The following MYL3 variants were observed in gnomAD, a reference collection of about 807,000 sequenced individuals.
MYL3 encodes CMLC1.
In MYL3, 11 loss-of-function variants were observed where a neutral mutation model predicts 21.3. The observed-to-expected ratio is 0.52, with a 90% CI of 0.32 to 0.85. The LOEUF is 0.85. Ranked by LOEUF, MYL3 falls within the 40% of genes least tolerant of loss-of-function variation. The probability of loss-of-function intolerance (pLI) is 0.03; values close to 1 mark genes in which losing one functional copy is unlikely to be tolerated. For synonymous variants in MYL3, 88 were observed against 91.6 expected (o/e 0.96, Z 0.22); for missense variants, 206 against 253.3 (o/e 0.81, Z 1.27).
chr3:46,877,525 G>A (rs534610359), intron 1 of MYL3, among the ~76,000 whole-genome samples: 1 of 152,282 alleles, frequency 6.6e-6, no homozygotes, highest in South Asian at 2.1e-4. Context: ...TTACCTGGCA[G>A]GCAGACCCAT....
chr3:46,862,565 A>T (rs1702003470), intron 1 of MYL3, among the ~76,000 whole-genome samples: 1 of 152,174 alleles, frequency 6.6e-6, no homozygotes, highest in African/African-American at 2.4e-5. Flanking sequence ...AGCAGGCAGG[A>T]CACAGGGTAC....
At chr3:46,872,844 C>T (rs755495195) in intron 1 of MYL3, among the ~76,000 whole-genome samples, 63 of 152,218 alleles carry the variant, frequency 4.1e-4, no homozygotes, top group African/African-American at 1.4e-3. Context: ...GAAAACGTTC[C>T]GACAATGAGC....
At position 46,879,231 on chromosome 3, in the gene MYL3, C is replaced by T. The variant is rs1200447242; in HGVS notation, c.-218+2843G>A. Reference sequence around the variant, plus strand: ...CCATCAGATTCCTCTCTGCAGCCCTCTCCACAGCCCACCCTCATCCTCCCA... The same window carrying T: ...CCATCAGATTCCTCTCTGCAGCCCTTTCCACAGCCCACCCTCATCCTCCCA... On this transcript the variant is annotated intron_variant, in intron 1 of 3. Transcript: ENST00000431168. This position sits in a 1 kb window ranked among gnomAD's most constrained non-coding sequence, Gnocchi z 4.7. 6.6e-6 allele frequency among the ~76,000 whole-genome samples: 1 copy of T among 152,190 alleles called. No homozygotes were observed. The highest frequency in any genetic ancestry group is 1.9e-4 in the East Asian group (1 of 5,186).
At chr3:46,867,923 G>A (rs368800692), upstream of MYL3, among the ~76,000 whole-genome samples, 20 of 152,332 alleles carry the variant, frequency 1.3e-4, no homozygotes, top group African/African-American at 2.9e-4. Context: ...GACCCCACGC[G>A]GGGCCCCTAG....
In MYL3 at chr3:46,857,956, G is replaced by A. The variant is rs1575497229; in HGVS notation, c.*159C>T. ...TCACAGGTAAGCACAGCCTGAGAGG[G>A]GCCAGAGACGGCAACCACGTGGAGA... is the stretch of plus-strand genomic sequence containing the variant. On this transcript the variant is annotated 3_prime_UTR_variant, in exon 7 of 7. Transcript: ENST00000292327. The surrounding 1 kb of genome is among the most constrained non-coding windows in gnomAD (Gnocchi z 5.0). 5.6e-6 allele frequency: 3 copies of A among 532,924 alleles called. No homozygotes were observed. The East Asian group carries it at 9.8e-5, about 17-fold the overall frequency. 33.0% of individuals were successfully genotyped at this position (532,924 alleles called of 1,614,324 possible).
intron 1 of MYL3, among the ~76,000 whole-genome samples, chr3:46,869,829 GA>G (rs201247431): frequency 1.3e-4 from 19 of 151,416 alleles, no homozygotes; most frequent in Non-Finnish European, 2.7e-4. Context: ...TTTAGCAGGA[GA>G]AAAAAAAACC....
At chr3:46,870,290 G>T (rs1702096743) in intron 1 of MYL3, among the ~76,000 whole-genome samples, 1 of 152,136 alleles carries the variant, frequency 6.6e-6, no homozygotes. Flanking sequence ...AAGGAGAGAG[G>T]GTGGGCATGG....
At chr3:46,871,386 G>A (rs756025926) in intron 1 of MYL3, among the ~76,000 whole-genome samples, 14 of 152,136 alleles carry the variant, frequency 9.2e-5, no homozygotes, top group African/African-American at 1.4e-4. Context: ...GGAGGTCAGC[G>A]TCCTGGTTTG....
At chr3:46,863,190 T>C (rs1421459505) in intron 1 of MYL3, 72 bp downstream of exon 1, 2 of 1,605,840 alleles carry the variant, frequency 1.2e-6, no homozygotes, top group African/African-American at 1.3e-5. Context: ...CTGACCTGCC[T>C]CTTGCTAGGT....
chr3:46,872,737 G>A (rs2029983038), intron 1 of MYL3, among the ~76,000 whole-genome samples: 1 of 152,226 alleles, frequency 6.6e-6, no homozygotes, highest in Non-Finnish European at 1.5e-5. Context: ...TTCAGCTGCT[G>A]TCTCAGGGTT....
chr3:46,859,411 A>T lies in MYL3; in HGVS notation c.481+64T>A. 1.2e-6 allele frequency: 2 copies of T among 1,604,264 alleles called. No homozygotes were observed. Among genetic ancestry groups the T allele is most frequent in the Non-Finnish European group, 1.7e-6 (2 of 1,172,476 alleles). Reference sequence around the variant, plus strand: ...CAATGGGTCACAGGCCTGGGGGGCAACAGAGTGGTTTCTCCCAGGATGTCC... The same window carrying T: ...CAATGGGTCACAGGCCTGGGGGGCATCAGAGTGGTTTCTCCCAGGATGTCC... On this transcript the variant is annotated intron_variant, in intron 4 of 6. Coordinates refer to ENST00000292327, the MANE Select transcript of MYL3 (RefSeq NM_000258.3). The surrounding 1 kb of genome is among the most constrained non-coding windows in gnomAD (Gnocchi z 4.1).
At chr3:46,881,546 A>G (rs1266419630) in intron 1 of MYL3, among the ~76,000 whole-genome samples, 1 of 151,998 alleles carries the variant, frequency 6.6e-6, no homozygotes, top group East Asian at 1.9e-4. Flanking sequence ...CAAGCTGGAG[A>G]GGCCCGGCCA....
At chr3:46,863,122 G>C in intron 1 of MYL3, 140 bp downstream of exon 1, 1 of 1,289,478 alleles carries the variant, frequency 7.8e-7, no homozygotes, top group Non-Finnish European at 1.1e-6. Flanking sequence ...AGCAGTCAGG[G>C]CTTGTCTGAC....
chr3:46,864,885 C>T (rs573521942), upstream of MYL3, among the ~76,000 whole-genome samples: 34 of 152,354 alleles, frequency 2.2e-4, no homozygotes, highest in African/African-American at 3.8e-4. This position sits in a 1 kb window ranked among gnomAD's most constrained non-coding sequence, Gnocchi z 4.7. Flanking sequence ...AGGCTCTTCC[C>T]GCATGGGGAC....
At chr3:46,878,399 TG>T (rs1301980530) in intron 1 of MYL3, among the ~76,000 whole-genome samples, 28 of 152,118 alleles carry the variant, frequency 1.8e-4, no homozygotes, top group Admixed American at 1.8e-3. Context: ...AGGCACAACC[TG>T]GGGTCAGAGT....
chr3:46,861,085 C>T lies in MYL3; in HGVS notation c.130-98G>A. On this transcript the variant is annotated intron_variant, in intron 1 of 6. Coordinates refer to ENST00000292327, the MANE Select transcript of MYL3 (RefSeq NM_000258.3). The surrounding 1 kb of genome is among the most constrained non-coding windows in gnomAD (Gnocchi z 4.2). Reference sequence around the variant, plus strand: ...GGCCAGCCCAGAATGTCAACTGTCTCAGCCTGTCCCATTCCAGCATCCCAG... The same window carrying T: ...GGCCAGCCCAGAATGTCAACTGTCTTAGCCTGTCCCATTCCAGCATCCCAG... 7.2e-7 allele frequency: 1 copy of T among 1,393,248 alleles called. No individual in the cohort carries two copies. The highest frequency in any genetic ancestry group is 1.0e-6 in the Non-Finnish European group (1 of 985,034). The allele number at this position is 1,393,248 out of a possible 1,614,324, so 86.3% of individuals were successfully genotyped here.
Position 46,859,127 on chromosome 3 carries a change from G to A in MYL3, c.481+348C>T, listed in dbSNP as rs1701963162. Reference sequence around the variant, plus strand: ...AGGTCAGGATCCCCCCAGGCGGCAGGCACTTGACCTGCTTGACCACTTAGG... The same window carrying A: ...AGGTCAGGATCCCCCCAGGCGGCAGACACTTGACCTGCTTGACCACTTAGG... On this transcript the variant is annotated intron_variant, in intron 4 of 6. Coordinates refer to ENST00000292327, the MANE Select transcript of MYL3 (RefSeq NM_000258.3). This position sits in a 1 kb window ranked among gnomAD's most constrained non-coding sequence, Gnocchi z 4.1. Among the ~76,000 whole-genome samples, 1 of 152,148 alleles carries A rather than the reference G, an allele frequency of 6.6e-6. No individual in the cohort carries two copies. Among genetic ancestry groups the A allele is most frequent in the African/African-American group, 2.4e-5 (1 of 41,422 alleles).
rs1235397928 is a variant in MYL3, at chr3:46,858,072, G to GTGC, written c.*42_*43insGCA. The GTGC allele has an allele frequency of 8.6e-6, 7 of 818,456 alleles. No individual in the cohort carries two copies. The African/African-American group carries it at 1.0e-4, about 12-fold the overall frequency. The allele number at this position is 818,456 out of a possible 1,614,324, so 50.7% of individuals were successfully genotyped here. On this transcript the variant is annotated 3_prime_UTR_variant, in exon 7 of 7. Coordinates refer to ENST00000292327, the MANE Select transcript of MYL3 (RefSeq NM_000258.3). The stretch of plus-strand genomic sequence containing the variant: ...TGTCAGCATCACACATGGGAGATGA[G>GTGC]ACGTCCCTGCACAGCCTTCCCTGGG...
chr3:46,861,577 C>T lies in MYL3; in HGVS notation c.130-590G>A, dbSNP rs186997696. 6.6e-5 allele frequency among the ~76,000 whole-genome samples: 10 copies of T among 152,282 alleles called. No homozygotes were observed. Among genetic ancestry groups the T allele is most frequent in the South Asian group, 4.1e-4 (2 of 4,824 alleles). On this transcript the variant is annotated intron_variant, in intron 1 of 6. Transcript: ENST00000292327. The surrounding 1 kb of genome is among the most constrained non-coding windows in gnomAD (Gnocchi z 4.2). Reference sequence around the variant, plus strand: ...ACCAGGCAGTCACTCACCAGCCCCACTATACCTATTTCTCACACACCCTGT... The same window carrying T: ...ACCAGGCAGTCACTCACCAGCCCCATTATACCTATTTCTCACACACCCTGT...
Sources: allele counts gnomAD v4.1 joint callset (sites outside exome capture counted in the v4.1 genomes callset), GRCh38; gene constraint gnomAD v4.1.1; non-coding constraint Gnocchi (gnomAD v3.1); transcripts MANE v1.5; gene names NCBI Gene and HGNC (gene_info 2026-07-23, HGNC 2026-07-21).